Variants in FARS2 observed in about 807,000 individuals in gnomAD.
FARS2 encodes the protein phenylalanine--tRNA ligase, mitochondrial.
Under a neutral mutation model 46.4 loss-of-function variants are expected in FARS2, and 40 were observed. That is an observed-to-expected ratio of 0.86 (90% CI 0.67 to 1.12). The LOEUF (loss-of-function observed/expected upper bound fraction) is 1.12, where lower values mean the gene tolerates loss of function less well. Among genes scored for constraint, FARS2 ranks in the 50% most tolerant of loss-of-function variants. The pLI is 0.00. For synonymous variants in FARS2, 234 were observed against 214.9 expected (o/e 1.09, Z -0.78); for missense variants, 513 against 567.9 (o/e 0.90, Z 0.98).
chr6:5,320,799 C>T (rs1041079153), intron 1 of FARS2, among the ~76,000 whole-genome samples: 2 of 152,140 alleles, frequency 1.3e-5, no homozygotes, highest in African/African-American at 2.4e-5. Context: ...GTTCCAGAGG[C>T]TGAGAAGTCC....
intron 4 of FARS2, among the ~76,000 whole-genome samples, chr6:5,476,161 A>G (rs1478751003): frequency 6.6e-6 from 1 of 152,156 alleles, no homozygotes; most frequent in Non-Finnish European, 1.5e-5. Flanking sequence ...GAGTAAGGAC[A>G]GTTGACACTC....
At chr6:5,584,086 TTC>T (rs1234136483) in intron 5 of FARS2, among the ~76,000 whole-genome samples, 1 of 90,302 alleles carries the variant, frequency 1.1e-5, no homozygotes, top group South Asian at 3.9e-4. Context: ...CCCCCCGACA[TTC>T]TCTCTCTCTT....
chr6:5,438,383 A>C (rs1421436947), intron 4 of FARS2, among the ~76,000 whole-genome samples: 1 of 146,370 alleles, frequency 6.8e-6, no homozygotes, highest in Non-Finnish European at 1.5e-5. Flanking sequence ...TTTTTTTTTT[A>C]ATCTTTGTCT....
chr6:5,453,578 A>G (rs986486409), intron 4 of FARS2, among the ~76,000 whole-genome samples: 2 of 152,190 alleles, frequency 1.3e-5, no homozygotes, highest in African/African-American at 4.8e-5. Flanking sequence ...GTATAATAGG[A>G]TTTGATTTGC....
At chr6:5,470,709 C>CT (rs1765762145) in intron 4 of FARS2, among the ~76,000 whole-genome samples, 1 of 152,146 alleles carries the variant, frequency 6.6e-6, no homozygotes, top group Admixed American at 6.5e-5. Flanking sequence ...AAGTTGGAAT[C>CT]TAAGTCCTGT....
At chr6:5,307,128 T>G (rs2127542275) in intron 1 of FARS2, among the ~76,000 whole-genome samples, 1 of 152,324 alleles carries the variant, frequency 6.6e-6, no homozygotes, top group South Asian at 2.1e-4. Flanking sequence ...TATTATATAT[T>G]TTTCCTACAG....
intron 5 of FARS2, among the ~76,000 whole-genome samples, chr6:5,560,717 T>A (rs1236895147): frequency 6.6e-6 from 1 of 152,220 alleles, no homozygotes. Context: ...GGAAAGTTTT[T>A]AAATTACAAT....
intron 1 of FARS2, among the ~76,000 whole-genome samples, chr6:5,276,790 G>A (rs186547626): frequency 3.3e-5 from 5 of 152,264 alleles, no homozygotes; most frequent in Admixed American, 3.3e-4. Context: ...GTACTAAGCC[G>A]GGCATCCAGG....
At chr6:5,706,155 C>A (rs550446047) in intron 6 of FARS2, among the ~76,000 whole-genome samples, 1 of 152,114 alleles carries the variant, frequency 6.6e-6, no homozygotes, top group Non-Finnish European at 1.5e-5. Flanking sequence ...CCCTCGCCTG[C>A]GCAGTTGACA....
chr6:5,341,235 A>ATATATAT (rs1561970178), intron 1 of FARS2, among the ~76,000 whole-genome samples: 3 of 10,272 alleles, frequency 2.9e-4, no homozygotes, highest in Non-Finnish European at 6.0e-4. Flanking sequence ...ATATATATAT[A>ATATATAT]TTTTTTTTTT....
intron 1 of FARS2, among the ~76,000 whole-genome samples, chr6:5,341,671 A>G (rs906907671): frequency 6.6e-6 from 1 of 151,826 alleles, no homozygotes; most frequent in Non-Finnish European, 1.5e-5. Context: ...GGTTCCCACC[A>G]TCACACCCGG....
At chr6:5,378,745 G>C (rs1375310221) in intron 2 of FARS2, among the ~76,000 whole-genome samples, 1 of 152,196 alleles carries the variant, frequency 6.6e-6, no homozygotes, top group Non-Finnish European at 1.5e-5. Flanking sequence ...ATTTTAGGAA[G>C]CATTGTCCCT....
At chr6:5,553,054 GATTTTATTAGAACTTACTA>G (rs1004098947) in intron 5 of FARS2, among the ~76,000 whole-genome samples, 93 of 152,288 alleles carry the variant, frequency 6.1e-4, no homozygotes, top group African/African-American at 2.1e-3. Context: ...TTTACTTACA[GATTTTATTAGAACTTACTA>G]ATTCTGTGTC....
intron 3 of FARS2, among the ~76,000 whole-genome samples, chr6:5,407,066 T>TATATATATATATAA (rs70975905): frequency 0.05 from 5,499 of 109,144 alleles, 449 homozygotes; most frequent in Admixed American, 0.075. Flanking sequence ...TATATATATA[T>TATATATATATATAA]AATGACCAAT....
At chr6:5,268,077 TA>T (rs1312525527) in intron 1 of FARS2, among the ~76,000 whole-genome samples, 5 of 152,190 alleles carry the variant, frequency 3.3e-5, no homozygotes, top group Admixed American at 3.3e-4. Flanking sequence ...TAAATTTGTT[TA>T]AGTTCTTTGT....
chr6:5,284,283 A>G (rs1766960980), intron 1 of FARS2, among the ~76,000 whole-genome samples: 2 of 152,178 alleles, frequency 1.3e-5, no homozygotes, highest in African/African-American at 2.4e-5. Context: ...ATAAATCACT[A>G]TTCTGGAGTT....
At chr6:5,443,917 A>G (rs1218494319) in intron 4 of FARS2, among the ~76,000 whole-genome samples, 1 of 152,194 alleles carries the variant, frequency 6.6e-6, no homozygotes, top group Non-Finnish European at 1.5e-5. Flanking sequence ...CAGGAAGGAT[A>G]TTTGGAAAGA....
intron 4 of FARS2, among the ~76,000 whole-genome samples, chr6:5,435,777 C>T (rs1021450387): frequency 2.6e-5 from 4 of 152,108 alleles, no homozygotes; most frequent in Non-Finnish European, 4.4e-5. Flanking sequence ...CCATTCCTTG[C>T]CCCTGTGAAG....
chr6:5,600,834 T>G (rs934078316), intron 5 of FARS2, among the ~76,000 whole-genome samples: 8 of 152,222 alleles, frequency 5.3e-5, no homozygotes, highest in Non-Finnish European at 7.3e-5. Context: ...TTAGGCTGAA[T>G]AGACTACTTC....
Sources: allele counts gnomAD v4.1 joint callset (sites outside exome capture counted in the v4.1 genomes callset), GRCh38; gene constraint gnomAD v4.1.1; transcripts MANE v1.5; gene names NCBI Gene and HGNC (gene_info 2026-07-23, HGNC 2026-07-21).